The following ZBED6 variants were observed in gnomAD, a reference collection of about 807,000 sequenced individuals.
The protein encoded by ZBED6 is zinc finger BED domain-containing protein 6.
ZBED6 carries 40 observed loss-of-function variants against 58.4 expected under a neutral mutation model. The observed-to-expected ratio is 0.68, with a 90% CI of 0.53 to 0.89. ZBED6 has a LOEUF of 0.89. Ranked by LOEUF, ZBED6 falls within the 40% of genes least tolerant of loss-of-function variation. The probability of loss-of-function intolerance (pLI) is 0.00; values close to 1 mark genes in which losing one functional copy is unlikely to be tolerated. For synonymous variants in ZBED6, 439 were observed against 350.6 expected (o/e 1.25, Z -2.82); for missense variants, 1,057 against 1,003.9 (o/e 1.05, Z -0.71).
intron 1 of ZBED6, among the ~76,000 whole-genome samples, chr1:203,803,621 T>G (rs1306892682): frequency 6.6e-6 from 1 of 152,224 alleles, no homozygotes; most frequent in Non-Finnish European, 1.5e-5. Context: ...TGTTTCGTTT[T>G]GAAACAGGGT....
chr1:203,831,570 G>T, intron 7 of ZBED6, 91 bp from the exon 8 acceptor site: 3 of 988,534 alleles, frequency 3.0e-6, no homozygotes, highest in Non-Finnish European at 4.7e-6. Flanking sequence ...AGTCTGTATT[G>T]GACTTAACTG....
At chr1:203,806,910 T>C (rs1672584972) in intron 1 of ZBED6, among the ~76,000 whole-genome samples, 1 of 150,302 alleles carries the variant, frequency 6.7e-6, no homozygotes, top group Non-Finnish European at 1.5e-5. Flanking sequence ...ATTTTTTCTT[T>C]TTTGAAGTCT....
chr1:203,838,128 A>G, intron 10 of ZBED6, 64 bp downstream of exon 10: 5 of 1,452,666 alleles, frequency 3.4e-6, no homozygotes, highest in Non-Finnish European at 4.8e-6. Flanking sequence ...TTGTAATGCT[A>G]ACAGCTATGG....
In ZBED6 at chr1:203,829,295, CTTT is replaced by C. The variant is rs1558122914; in HGVS notation, c.*2998-154_*2998-152del. On this transcript the variant is annotated intron_variant, in intron 4 of 16. Coordinates refer to ENST00000550078, the Ensembl canonical transcript of ZBED6. Reference sequence around the variant, plus strand: ...GAGAGTTAATTAGGTAAAAGCACATCTTTTCCCTCCCTGGGACTTTAGAACTTA... The same window carrying C: ...GAGAGTTAATTAGGTAAAAGCACATCTCCCTCCCTGGGACTTTAGAACTTA... The C allele has an allele frequency of 4.7e-5, 34 of 725,458 alleles. No homozygotes were observed. The South Asian group carries it at 6.4e-4, about 14-fold the overall frequency. The allele number at this position is 725,458 out of a possible 1,614,324, so 44.9% of individuals were successfully genotyped here.
At chr1:203,815,892 C>T (rs1460460337) in intron 1 of ZBED6, among the ~76,000 whole-genome samples, 1 of 152,098 alleles carries the variant, frequency 6.6e-6, no homozygotes, top group Non-Finnish European at 1.5e-5. Context: ...TAGAAGCTTG[C>T]TTGGACGTTT....
intron 13 of ZBED6, among the ~76,000 whole-genome samples, chr1:203,849,381 C>T (rs577972026): frequency 3.0e-4 from 45 of 152,230 alleles, no homozygotes; most frequent in Admixed American, 2.4e-3. Flanking sequence ...TTTTTCTGGA[C>T]ATTCAGATTT....
At chr1:203,812,066 C>T (rs2102663678) in intron 1 of ZBED6, among the ~76,000 whole-genome samples, 1 of 152,260 alleles carries the variant, frequency 6.6e-6, no homozygotes, top group East Asian at 1.9e-4. Flanking sequence ...ATCCACCCAC[C>T]TCGGCCTCCC....
exon 12 of ZBED6, chr1:203,847,548 G>A (rs753327023): frequency 1.2e-6 from 2 of 1,613,986 alleles, no homozygotes; most frequent in South Asian, 1.1e-5. Context: ...TGCAGGAGGT[G>A]CACATCAAGA....
At chr1:203,836,143 G>T (rs1187339382) in intron 9 of ZBED6, among the ~76,000 whole-genome samples, 1 of 152,176 alleles carries the variant, frequency 6.6e-6, no homozygotes, top group Non-Finnish European at 1.5e-5. Flanking sequence ...AGCTGCGTGG[G>T]CAGCTGAGGT....
intron 3 of ZBED6, among the ~76,000 whole-genome samples, chr1:203,825,624 C>A (rs953415366): frequency 6.6e-6 from 1 of 151,876 alleles, no homozygotes; most frequent in East Asian, 1.9e-4. Flanking sequence ...TTAGTAGAGA[C>A]GGGGTTTCAC....
At chr1:203,810,412 G>C (rs1346653910) in intron 1 of ZBED6, among the ~76,000 whole-genome samples, 2 of 148,280 alleles carry the variant, frequency 1.3e-5, no homozygotes, top group Admixed American at 1.3e-4. Flanking sequence ...GTTTTACATT[G>C]TAGCTGTTAG....
intron 9 of ZBED6, among the ~76,000 whole-genome samples, chr1:203,834,311 AC>A (rs2103088860): frequency 6.6e-6 from 1 of 152,236 alleles, no homozygotes; most frequent in South Asian, 2.1e-4. Flanking sequence ...TTGTTTTGTT[AC>A]CCAGGCTGGA....
exon 17 of ZBED6, chr1:203,852,150 G>A (rs753832193): frequency 1.2e-6 from 2 of 1,613,074 alleles, no homozygotes; most frequent in Non-Finnish European, 1.7e-6. Flanking sequence ...GTCTTGTGCT[G>A]CCTCCAACCC....
Position 203,799,218 on chromosome 1 carries a change from TC to T in ZBED6, c.1698del (p.Ser567LeufsTer22). 1 of 944,244 alleles carries T rather than the reference TC, an allele frequency of 1.1e-6. No individual in the cohort carries two copies. The allele number at this position is 944,244 out of a possible 1,614,324, so 58.5% of individuals were successfully genotyped here. ...CCCTAGCTTCATTGTTTCTGACAATTCCTCTAATGTGGTACATGCAATCAAA... is the reference window on the plus strand; with the variant it reads ...CCCTAGCTTCATTGTTTCTGACAATTCTCTAATGTGGTACATGCAATCAAA... On this transcript the variant is annotated frameshift_variant, in exon 1 of 17. Coordinates refer to ENST00000550078, the Ensembl canonical transcript of ZBED6. LOFTEE classifies it high-confidence loss of function.
intron 15 of ZBED6, 117 bp from the exon 16 acceptor site, chr1:203,850,940 A>G (rs1447688082): frequency 7.7e-6 from 10 of 1,296,366 alleles, no homozygotes; most frequent in Non-Finnish European, 1.1e-5. Flanking sequence ...ATCGATTCTT[A>G]GATTCACAGG....
chr1:203,795,715 CGGCCAAGCAA>C (rs1668165370), exon 1 of ZBED6: 1 of 152,194 alleles, frequency 6.6e-6, no homozygotes, highest in Non-Finnish European at 1.5e-5. Context: ...CGGACGGCAG[CGGCCAAGCAA>C]GAAGAAAGAC....
chr1:203,808,576 G>A (rs1244333488), intron 1 of ZBED6, among the ~76,000 whole-genome samples: 1 of 152,056 alleles, frequency 6.6e-6, no homozygotes, highest in Non-Finnish European at 1.5e-5. Context: ...TAGAAATTGA[G>A]TTTTCTGGAA....
intron 11 of ZBED6, among the ~76,000 whole-genome samples, chr1:203,841,062 A>C (rs146793630): frequency 2.0e-5 from 3 of 152,198 alleles, no homozygotes; most frequent in Non-Finnish European, 4.4e-5. Context: ...GGAAAAATCA[A>C]CTTGCATTGT....
intron 9 of ZBED6, chr1:203,834,129 C>G: frequency 9.2e-7 from 1 of 1,085,248 alleles, no homozygotes; most frequent in South Asian, 4.3e-5. Flanking sequence ...TTTCTCTGAA[C>G]AAATTTAAAT....
Sources: gnomAD v4.1 joint callset for allele counts (sites outside exome capture counted in the v4.1 genomes callset) on GRCh38, gnomAD v4.1.1 for gene constraint, MANE v1.5 for transcripts, NCBI Gene and HGNC (gene_info 2026-07-23, HGNC 2026-07-21) for gene names.